The following MAGI2 variants were observed in gnomAD, a reference collection of about 807,000 sequenced individuals.
MAGI2 encodes the protein membrane associated guanylate kinase, WW and PDZ domain containing 2, also known as membrane-associated guanylate kinase, WW and PDZ domain-containing protein 2.
MAGI2 carries 35 observed loss-of-function variants against 133.3 expected under a neutral mutation model. The observed-to-expected ratio is 0.26, with a 90% confidence interval of 0.20 to 0.35. The LOEUF (loss-of-function observed/expected upper bound fraction) is 0.35. MAGI2 is among the 10% of genes least tolerant of loss of function. The probability of loss-of-function intolerance (pLI) is 1.00; values close to 1 mark genes in which losing one functional copy is unlikely to be tolerated. For synonymous variants in MAGI2, 729 were observed against 710.6 expected, an observed-to-expected ratio of 1.03 and a Z score of -0.41; for missense variants, 1,636 against 1,863.4, an observed-to-expected ratio of 0.88 and a Z score of 2.25.
chr7:78,561,703 C>G (rs986471850), intron 3 of MAGI2, among the ~76,000 whole-genome samples: 2 of 152,114 alleles, frequency 1.3e-5, no homozygotes, highest in Non-Finnish European at 2.9e-5. Flanking sequence ...CAGCAGCACC[C>G]TCAGGGGTTG....
intron 1 of MAGI2, among the ~76,000 whole-genome samples, chr7:79,238,070 A>G (rs1052679409): frequency 1.3e-5 from 2 of 152,174 alleles, no homozygotes; most frequent in African/African-American, 4.8e-5. Flanking sequence ...TTATTATAAG[A>G]GTTACAAATC....
chr7:78,424,691 G>A (rs1799123899), intron 6 of MAGI2, among the ~76,000 whole-genome samples: 1 of 152,160 alleles, frequency 6.6e-6, no homozygotes, highest in African/African-American at 2.4e-5. Flanking sequence ...GCATGACCTG[G>A]AATGTGAGAC....
At chr7:78,231,562 A>G (rs945560506) in intron 10 of MAGI2, among the ~76,000 whole-genome samples, 1 of 152,220 alleles carries the variant, frequency 6.6e-6, no homozygotes, top group African/African-American at 2.4e-5. Context: ...TAACACTTCT[A>G]TGCGTCCCTA....
At chr7:78,822,697 C>T (rs1284553857) in intron 2 of MAGI2, among the ~76,000 whole-genome samples, 1 of 152,030 alleles carries the variant, frequency 6.6e-6, no homozygotes, top group African/African-American at 2.4e-5. Context: ...TTTTCCCCAC[C>T]TACTGCCTGT....
chr7:78,781,243 G>C (rs1393604721), intron 2 of MAGI2, among the ~76,000 whole-genome samples: 3 of 152,012 alleles, frequency 2.0e-5, no homozygotes, highest in African/African-American at 7.2e-5. Flanking sequence ...GCCGGACATG[G>C]TGGCGGGCGC....
At chr7:78,360,724 G>A (rs531260797) in intron 7 of MAGI2, among the ~76,000 whole-genome samples, 2 of 152,304 alleles carry the variant, frequency 1.3e-5, no homozygotes, top group African/African-American at 4.8e-5. Context: ...CCAGCAGGAG[G>A]GACAGCACTG....
At chr7:78,976,144 T>C (rs1367940790) in intron 2 of MAGI2, among the ~76,000 whole-genome samples, 1 of 151,444 alleles carries the variant, frequency 6.6e-6, no homozygotes, top group Non-Finnish European at 1.5e-5. Flanking sequence ...AAACTGCAGA[T>C]CAATATCTCA....
chr7:79,002,065 T>C (rs1806913224), intron 2 of MAGI2, among the ~76,000 whole-genome samples: 1 of 152,114 alleles, frequency 6.6e-6, no homozygotes, highest in Non-Finnish European at 1.5e-5. Context: ...ATACAAATCT[T>C]AAAAATCTTA....
chr7:78,488,433 G>A (rs1793271486), intron 6 of MAGI2, among the ~76,000 whole-genome samples: 1 of 152,128 alleles, frequency 6.6e-6, no homozygotes, highest in South Asian at 2.1e-4. Flanking sequence ...CTGCAAAATT[G>A]TTAAATTCAC....
intron 9 of MAGI2, among the ~76,000 whole-genome samples, chr7:78,275,518 T>G (rs999488851): frequency 6.6e-6 from 1 of 151,964 alleles, no homozygotes; most frequent in Non-Finnish European, 1.5e-5. Context: ...TATATTTGAA[T>G]GGGCTAGTCA....
At chr7:78,824,603 C>A (rs887097562) in intron 2 of MAGI2, among the ~76,000 whole-genome samples, 1 of 144,450 alleles carries the variant, frequency 6.9e-6, no homozygotes. Flanking sequence ...ATATCCTTCA[C>A]GCACTTTTTG....
At chr7:79,280,535 G>A (rs1264150361) in intron 1 of MAGI2, among the ~76,000 whole-genome samples, 1 of 152,102 alleles carries the variant, frequency 6.6e-6, no homozygotes, top group East Asian at 1.9e-4. Flanking sequence ...AAGGGAATAA[G>A]ATTACTTGTT....
intron 20 of MAGI2, among the ~76,000 whole-genome samples, chr7:78,099,257 A>G (rs1429995982): frequency 1.3e-5 from 2 of 152,202 alleles, no homozygotes; most frequent in African/African-American, 4.8e-5. Context: ...TTTTTCTCAA[A>G]GAATTATTCA....
intron 1 of MAGI2, among the ~76,000 whole-genome samples, chr7:79,420,965 T>C (rs189722576): frequency 3.9e-5 from 6 of 152,118 alleles, no homozygotes; most frequent in African/African-American, 1.4e-4. Flanking sequence ...TGTTTATCAT[T>C]CATAATCTCA....
At chr7:78,047,937 C>G (rs991199226) in intron 21 of MAGI2, among the ~76,000 whole-genome samples, 1 of 152,214 alleles carries the variant, frequency 6.6e-6, no homozygotes, top group African/African-American at 2.4e-5. Flanking sequence ...TCTTGCAGTC[C>G]TCCTTGATAA....
Position 79,089,267 on chromosome 7 carries a change from C to A in MAGI2, c.302-82061G>T, listed in dbSNP as rs35521397. On this transcript the variant is annotated intron_variant, in intron 1 of 21. Coordinates refer to ENST00000354212, the MANE Select transcript of MAGI2 (RefSeq NM_012301.4). ...AACCACAATGAGGTACCATCTCACA[C>A]CAGTTAAAATGGTGATCATTAGAAA... 1.4e-4 allele frequency among the ~76,000 whole-genome samples: 21 copies of A among 152,134 alleles called. No homozygotes were observed. In the East Asian group the frequency reaches 4.1e-3, roughly 29 times the overall value.
At chr7:78,292,644 G>C (rs1028261409) in intron 9 of MAGI2, among the ~76,000 whole-genome samples, 10 of 152,138 alleles carry the variant, frequency 6.6e-5, no homozygotes, top group African/African-American at 2.4e-4. Flanking sequence ...TAAGTCAAAA[G>C]AACAAAGCTG....
chr7:79,210,630 A>G (rs1829425190), intron 1 of MAGI2, among the ~76,000 whole-genome samples: 1 of 152,048 alleles, frequency 6.6e-6, no homozygotes, highest in African/African-American at 2.4e-5. Flanking sequence ...CCCAGCACTA[A>G]AAACTTCCAT....
chr7:78,078,767 T>C (rs1815630758), intron 21 of MAGI2, 180 bp downstream of exon 21: 1 of 665,306 alleles, frequency 1.5e-6, no homozygotes, highest in African/African-American at 1.9e-5. Flanking sequence ...TTCCTGGGCA[T>C]AAACATACGT....
Sources: allele counts gnomAD v4.1 joint callset (sites outside exome capture counted in the v4.1 genomes callset), GRCh38; gene constraint gnomAD v4.1.1; transcripts MANE v1.5; gene names NCBI Gene and HGNC (gene_info 2026-07-23, HGNC 2026-07-21).